The following DDC variants were observed in gnomAD, a reference collection of about 807,000 sequenced individuals.
DDC encodes the protein aromatic-L-amino-acid decarboxylase.
Under a neutral mutation model 60.0 loss-of-function variants are expected in DDC, and 43 were observed. The observed-to-expected ratio is 0.72, with a 90% confidence interval of 0.56 to 0.92. The LOEUF is 0.92. DDC is among the 40% of genes least tolerant of loss of function. The pLI is 0.00. For missense variants in DDC, 573 were observed against 620.2 expected, an observed-to-expected ratio of 0.92 and a Z score of 0.81; for synonymous variants, 232 against 234.6, an observed-to-expected ratio of 0.99 and a Z score of 0.10.
chr7:50,557,813 C>T (rs986351608), intron 1 of DDC, among the ~76,000 whole-genome samples: 2 of 152,156 alleles, frequency 1.3e-5, no homozygotes, highest in South Asian at 4.1e-4. Context: ...GTTCTTTTTG[C>T]GTGTTGTCAA....
chr7:50,499,299 C>G, intron 7 of DDC, 57 bp from the exon 8 acceptor site: 1 of 1,237,318 alleles, frequency 8.1e-7, no homozygotes, highest in South Asian at 1.2e-5. Context: ...ACGGAGCCTG[C>G]CAGCTGACCT....
chr7:50,545,770 G>A (rs550923496), intron 1 of DDC, among the ~76,000 whole-genome samples: 12 of 152,204 alleles, frequency 7.9e-5, no homozygotes, highest in Non-Finnish European at 1.2e-4. Context: ...ACCGCTCCCA[G>A]CCTCTAGAAT....
At chr7:50,545,813 G>C (rs1365497346) in intron 1 of DDC, among the ~76,000 whole-genome samples, 1 of 152,076 alleles carries the variant, frequency 6.6e-6, no homozygotes, top group South Asian at 2.1e-4. Flanking sequence ...TTGCATGCTA[G>C]GGATGGACTC....
chr7:50,528,236 T>C lies in DDC; in HGVS notation c.615A>G (p.Lys205=), dbSNP rs375266598. ...TGCCATCTGAGGGGATGGCTTTTAA[T>C]TTCACTCCACCAATTAACCCAGCTC... ...VERAGLIGGV[K]LKAIPSDGNF... The change falls in exon 6 of 15, where the codon AAA becomes AAG. Residue 205 remains lysine (K), a synonymous_variant. Coordinates refer to ENST00000444124, the MANE Select transcript of DDC (RefSeq NM_001082971.2). 9.3e-6 allele frequency: 15 copies of C among 1,614,044 alleles called. No homozygotes were observed. Among genetic ancestry groups the C allele is most frequent in the African/African-American group, 2.7e-5 (2 of 74,918 alleles).
At chr7:50,462,768 G>GTTTTTTTTTTTTTTTTTT (rs11302809) in intron 14 of DDC, among the ~76,000 whole-genome samples, 1 of 98,364 alleles carries the variant, frequency 1.0e-5, no homozygotes, top group Non-Finnish European at 2.0e-5. Context: ...TCTTCTTCTT[G>GTTTTTTTTTTTTTTTTTT]TTTTTTTTTT....
In DDC at chr7:50,499,274, G is replaced by C; in HGVS notation, c.782-32C>G. 2.0e-6 allele frequency: 3 copies of C among 1,498,624 alleles called. No homozygotes were observed. In the South Asian group the frequency reaches 3.4e-5, roughly 17 times the overall value. 92.8% of individuals were successfully genotyped at this position (1,498,624 alleles called of 1,614,324 possible). The stretch of plus-strand genomic sequence containing the variant: ...TTCAGAATCAACTTGTGAGTCCCCA[G>C]ATGGATGCCTCACCACGGAGCCTGC... On this transcript the variant is annotated intron_variant, in intron 7 of 14. Transcript: ENST00000444124.
At chr7:50,558,087 T>A (rs982878132) in intron 1 of DDC, among the ~76,000 whole-genome samples, 30 of 141,584 alleles carry the variant, frequency 2.1e-4, no homozygotes, top group African/African-American at 8.0e-4. Flanking sequence ...ACCCCCCCCC[T>A]TACAAATTTT....
At chr7:50,468,439 A>C (rs1019992692) in intron 12 of DDC, among the ~76,000 whole-genome samples, 4 of 152,212 alleles carry the variant, frequency 2.6e-5, no homozygotes, top group African/African-American at 4.8e-5. Flanking sequence ...TTCTTTCCCC[A>C]AAAAAGCTGA....
chr7:50,529,743 G>A (rs1462135178), intron 4 of DDC, among the ~76,000 whole-genome samples: 3 of 152,158 alleles, frequency 2.0e-5, no homozygotes, highest in African/African-American at 4.8e-5. Context: ...CGGACAGAGC[G>A]ATTTGCATTT....
intron 9 of DDC, among the ~76,000 whole-genome samples, chr7:50,494,316 C>T (rs1318745955): frequency 1.3e-5 from 2 of 152,010 alleles, no homozygotes; most frequent in Non-Finnish European, 2.9e-5. Flanking sequence ...GACCATCCTG[C>T]CTAACACGGT....
intron 6 of DDC, among the ~76,000 whole-genome samples, chr7:50,504,946 G>C (rs2043352356): frequency 6.6e-6 from 1 of 152,226 alleles, no homozygotes; most frequent in Non-Finnish European, 1.5e-5. Flanking sequence ...TGTTCCCAAA[G>C]ATTAATTAAA....
chr7:50,554,819 T>G (rs1186143870), intron 1 of DDC, among the ~76,000 whole-genome samples: 1 of 152,170 alleles, frequency 6.6e-6, no homozygotes, highest in African/African-American at 2.4e-5. Context: ...CCTTAGCACA[T>G]GAGTTTTCTC....
chr7:50,538,756 T>G (rs2153548746), intron 3 of DDC, among the ~76,000 whole-genome samples: 1 of 152,346 alleles, frequency 6.6e-6, no homozygotes, highest in African/African-American at 2.4e-5. Flanking sequence ...TAGAGATGGA[T>G]GCCAAGTACC....
chr7:50,542,198 A>C (rs755355314), intron 2 of DDC: 4 of 152,206 alleles, frequency 2.6e-5, no homozygotes, highest in Non-Finnish European at 5.9e-5. Context: ...TAATATATTC[A>C]TCTTTATGCC....
chr7:50,512,613 A>C (rs1369655760), intron 6 of DDC, among the ~76,000 whole-genome samples: 1 of 152,172 alleles, frequency 6.6e-6, no homozygotes, highest in African/African-American at 2.4e-5. Context: ...AGTGAGAAAA[A>C]GGGAACTGTC....
At chr7:50,460,202 G>T (rs1408983045) in intron 14 of DDC, among the ~76,000 whole-genome samples, 2 of 142,356 alleles carry the variant, frequency 1.4e-5, no homozygotes, top group African/African-American at 2.7e-5. Context: ...TCAGCCCCTG[G>T]CCCGGCCAGC....
intron 6 of DDC, among the ~76,000 whole-genome samples, chr7:50,505,644 G>A (rs1057132519): frequency 1.3e-5 from 2 of 152,228 alleles, no homozygotes; most frequent in Non-Finnish European, 2.9e-5. Flanking sequence ...CAGAAGGTTC[G>A]TCTCACCAGC....
chr7:50,517,825 TA>T (rs59421951), intron 6 of DDC, among the ~76,000 whole-genome samples: 3,972 of 76,160 alleles, frequency 0.052, 140 homozygotes, highest in African/African-American at 0.16. Flanking sequence ...TTATAATAGC[TA>T]AAAAAAAAAA....
At chr7:50,540,626 C>T (rs1438052585) in intron 2 of DDC, among the ~76,000 whole-genome samples, 1 of 152,216 alleles carries the variant, frequency 6.6e-6, no homozygotes, top group African/African-American at 2.4e-5. Context: ...AGCTGGATCA[C>T]CCCACAGATG....
Sources: gnomAD v4.1 joint callset for allele counts (sites outside exome capture counted in the v4.1 genomes callset) on GRCh38, gnomAD v4.1.1 for gene constraint, MANE v1.5 for transcripts, NCBI Gene and HGNC (gene_info 2026-07-23, HGNC 2026-07-21) for gene names.